Variants in PLEKHA5 observed in about 807,000 individuals in gnomAD.
PLEKHA5 encodes the protein pleckstrin homology domain-containing family A member 5.
Under a neutral mutation model 181.9 loss-of-function variants are expected in PLEKHA5, and 55 were observed. That is an observed-to-expected ratio of 0.30 (90% confidence interval 0.24 to 0.38). The LOEUF is 0.38. Ranked by LOEUF, PLEKHA5 falls within the 10% of genes least tolerant of loss-of-function variation. PLEKHA5 has a pLI of 1.00. For missense variants in PLEKHA5, 1,432 were observed against 1,549.5 expected, an observed-to-expected ratio of 0.92 and a Z score of 1.27; for synonymous variants, 535 against 529.4, an observed-to-expected ratio of 1.01 and a Z score of -0.15.
At chr12:19,308,820 G>A (rs929214661) in intron 15 of PLEKHA5, among the ~76,000 whole-genome samples, 5 of 151,866 alleles carry the variant, frequency 3.3e-5, no homozygotes, top group African/African-American at 1.2e-4. Context: ...GCCGAAGGGG[G>A]GCAGATCACC....
intron 3 of PLEKHA5, among the ~76,000 whole-genome samples, chr12:19,155,397 T>C (rs1161964442): frequency 6.6e-6 from 1 of 152,154 alleles, no homozygotes; most frequent in Non-Finnish European, 1.5e-5. Flanking sequence ...GCTAGATTTT[T>C]CTATTAAGTC....
chr12:19,306,915 T>C (rs75917075), intron 15 of PLEKHA5: 9,345 of 843,134 alleles, frequency 0.011, 64 homozygotes, highest in Non-Finnish European at 0.014. Flanking sequence ...CACCAGCTAA[T>C]GCAATGGCAG....
chr12:19,367,787 A>T (rs1413330707), intron 30 of PLEKHA5, among the ~76,000 whole-genome samples: 1 of 148,050 alleles, frequency 6.8e-6, no homozygotes, highest in African/African-American at 2.5e-5. Context: ...ATAGGGTTTC[A>T]CTGTTAGCCA....
chr12:19,366,611 C>T (rs569782125), intron 30 of PLEKHA5, among the ~76,000 whole-genome samples: 2 of 152,080 alleles, frequency 1.3e-5, no homozygotes, highest in African/African-American at 2.4e-5. Context: ...CGAGATCGTG[C>T]CACTGCACTC....
chr12:19,154,753 T>C (rs2041281096), intron 3 of PLEKHA5: 1 of 152,344 alleles, frequency 6.6e-6, no homozygotes, highest in African/African-American at 2.4e-5. Context: ...ATATTTATAT[T>C]GGCCTTTTTG....
intron 28 of PLEKHA5, among the ~76,000 whole-genome samples, chr12:19,360,536 A>C (rs1264861407): frequency 6.6e-6 from 1 of 151,724 alleles, no homozygotes; most frequent in African/African-American, 2.4e-5. Context: ...CCCGGGAGTC[A>C]GAGGTTGCAA....
chr12:19,198,668 G>A lies in PLEKHA5; in HGVS notation c.228-55272G>A, dbSNP rs114841553. Among the ~76,000 whole-genome samples the A allele has an allele frequency of 9.1e-3, 1,382 of 152,202 alleles. 24 individuals carry two copies. The highest frequency in any genetic ancestry group is 0.031 in the African/African-American group (1,298 of 41,528). On this transcript the variant is annotated intron_variant, in intron 3 of 31. Transcript: ENST00000429027. ...TTGTGGAATGAATGATTGTGTGAAT[G>A]AACAAAGGGAGCAGATTTTTTTAAT...
At chr12:19,166,165 T>C (rs965830113) in intron 3 of PLEKHA5, among the ~76,000 whole-genome samples, 2 of 152,148 alleles carry the variant, frequency 1.3e-5, no homozygotes, top group Admixed American at 6.5e-5. Context: ...AAACTGTGTG[T>C]GGGCTTCTAA....
intron 3 of PLEKHA5, among the ~76,000 whole-genome samples, chr12:19,140,548 A>G (rs1318900134): frequency 3.3e-5 from 5 of 152,162 alleles, no homozygotes; most frequent in East Asian, 1.9e-4. Context: ...CTTTTGGACT[A>G]TTAGGTCTCA....
At chr12:19,300,545 A>C (rs978267739) in intron 15 of PLEKHA5, among the ~76,000 whole-genome samples, 1 of 152,178 alleles carries the variant, frequency 6.6e-6, no homozygotes, top group African/African-American at 2.4e-5. Flanking sequence ...TTTTTCAGCA[A>C]GTTTATTCAT....
chr12:19,353,213 G>A (rs1817216639), intron 25 of PLEKHA5, among the ~76,000 whole-genome samples: 1 of 151,982 alleles, frequency 6.6e-6, no homozygotes, highest in Non-Finnish European at 1.5e-5. Context: ...GAGTGCCGTG[G>A]CGCTATCTCA....
intron 16 of PLEKHA5, among the ~76,000 whole-genome samples, chr12:19,318,183 G>A (rs1232218206): frequency 6.6e-6 from 1 of 151,798 alleles, no homozygotes; most frequent in East Asian, 1.9e-4. Context: ...AAAGCAATGT[G>A]TGGGGAGAGG....
At chr12:19,337,136 C>T (rs1174129728) in intron 21 of PLEKHA5, among the ~76,000 whole-genome samples, 1 of 151,698 alleles carries the variant, frequency 6.6e-6, no homozygotes, top group Non-Finnish European at 1.5e-5. Context: ...CACAGGCATG[C>T]ACCACCAAGC....
chr12:19,334,829 A>AAT (rs56763101), intron 20 of PLEKHA5, among the ~76,000 whole-genome samples: 63 of 18,524 alleles, frequency 3.4e-3, no homozygotes, highest in African/African-American at 5.9e-3. Context: ...AAAAAAAAAA[A>AAT]ATATATATAT....
intron 7 of PLEKHA5, among the ~76,000 whole-genome samples, chr12:19,262,159 T>G (rs1157182144): frequency 6.6e-6 from 1 of 152,204 alleles, no homozygotes; most frequent in Non-Finnish European, 1.5e-5. Context: ...TTCAGTATAT[T>G]TATGGACTAC....
At chr12:19,226,662 T>G (rs1482771868) in intron 3 of PLEKHA5, among the ~76,000 whole-genome samples, 1 of 152,220 alleles carries the variant, frequency 6.6e-6, no homozygotes, top group East Asian at 1.9e-4. Flanking sequence ...TATATTGTTA[T>G]GAAATTTTTC....
chr12:19,276,646 G>A (rs924033514), intron 11 of PLEKHA5, among the ~76,000 whole-genome samples: 7 of 152,164 alleles, frequency 4.6e-5, no homozygotes, highest in Non-Finnish European at 5.9e-5. Context: ...AGCCAGGATC[G>A]TGCCACTGCA....
At chr12:19,305,089 G>A (rs768092117) in intron 15 of PLEKHA5, among the ~76,000 whole-genome samples, 3 of 152,172 alleles carry the variant, frequency 2.0e-5, no homozygotes, top group African/African-American at 2.4e-5. Flanking sequence ...AGGAGGTGAT[G>A]TCATGAGCCT....
chr12:19,247,903 T>A (rs921093592), intron 3 of PLEKHA5, among the ~76,000 whole-genome samples: 6 of 150,898 alleles, frequency 4.0e-5, no homozygotes, highest in Admixed American at 2.0e-4. Flanking sequence ...AAAAAAAAAA[T>A]TAACTTTTAA....
Sources: gnomAD v4.1 joint callset for allele counts (sites outside exome capture counted in the v4.1 genomes callset) on GRCh38, gnomAD v4.1.1 for gene constraint, MANE v1.5 for transcripts, NCBI Gene and HGNC (gene_info 2026-07-23, HGNC 2026-07-21) for gene names.